Variants in ARID1B observed in about 807,000 individuals in gnomAD.
ARID1B encodes AT-rich interactive domain-containing protein 1B.
Under a neutral mutation model 212.3 loss-of-function variants are expected in ARID1B, and 30 were observed. That is an observed-to-expected ratio of 0.14 (90% CI 0.11 to 0.19). The LOEUF (loss-of-function observed/expected upper bound fraction) is 0.19, where lower values mean the gene tolerates loss of function less well. ARID1B is among the 10% of genes least tolerant of loss of function. ARID1B has a pLI of 1.00. For synonymous variants in ARID1B, 1,402 were observed against 1,301.7 expected, an observed-to-expected ratio of 1.08 and a Z score of -1.66; for missense variants, 2,891 against 3,204.0, an observed-to-expected ratio of 0.90 and a Z score of 2.36.
chr6:157,025,082 G>A (rs1315590492), intron 4 of ARID1B, among the ~76,000 whole-genome samples: 1 of 152,192 alleles, frequency 6.6e-6, no homozygotes, highest in African/African-American at 2.4e-5. Context: ...AAGAATTTTA[G>A]TAAATGATTC....
intron 13 of ARID1B, 98 bp downstream of exon 13, chr6:157,184,533 T>C: frequency 7.1e-7 from 1 of 1,407,640 alleles, no homozygotes; most frequent in Non-Finnish European, 9.8e-7. Context: ...AACAGGGAAC[T>C]TGGGACTTTT....
At chr6:156,779,689 G>C in intron 1 of ARID1B, 1 of 224,766 alleles carries the variant, frequency 4.4e-6, no homozygotes, top group Non-Finnish European at 7.7e-6. Flanking sequence ...CGCCGGGCCG[G>C]GCCGGGCCGG....
At chr6:156,998,771 G>GA (rs1221461394) in intron 4 of ARID1B, among the ~76,000 whole-genome samples, 2 of 152,204 alleles carry the variant, frequency 1.3e-5, no homozygotes, top group Non-Finnish European at 2.9e-5. Context: ...ATAGTAGGGA[G>GA]AAAATCAACA....
intron 1 of ARID1B, among the ~76,000 whole-genome samples, chr6:156,783,079 C>T (rs1168519278): frequency 6.6e-6 from 1 of 151,800 alleles, no homozygotes; most frequent in African/African-American, 2.4e-5. Flanking sequence ...ACTAGCACAT[C>T]CTTACCTTGA....
At position 157,148,457 on chromosome 6, in the gene ARID1B, AG is replaced by A. The variant is rs1789958407; in HGVS notation, c.2762-166del. On this transcript the variant is annotated intron_variant, in intron 7 of 19. Transcript: ENST00000636930. The surrounding 1 kb of genome is among the most constrained non-coding windows in gnomAD (Gnocchi z 5.6). ...TCTCTGAGGGCCTGGGAGTGTGCAG[AG>A]AGAGCATGTTTGAGACTGGCAGCTG... Among the ~76,000 whole-genome samples the A allele has an allele frequency of 6.6e-6, 1 of 152,162 alleles. No individual in the cohort carries two copies. Among genetic ancestry groups the A allele is most frequent in the Non-Finnish European group, 1.5e-5 (1 of 68,044 alleles).
chr6:156,778,379 C>T lies in ARID1B; in HGVS notation c.699C>T (p.Pro233=), dbSNP rs2114972557. The T allele has an allele frequency of 6.5e-6, 10 of 1,537,422 alleles. No individual in the cohort carries two copies. The highest frequency in any genetic ancestry group is 8.7e-6 in the Non-Finnish European group (10 of 1,145,862). The change falls in exon 1 of 20, where the codon CCC becomes CCT. Residue 233 remains proline, a synonymous_variant. Coordinates refer to ENST00000636930, the MANE Select transcript of ARID1B (RefSeq NM_001374828.1). The part of the protein sequence containing the change: ...LGGAGGGAPQ[P]GPDMEQPQHG... ...GCGCGGGCGGCGGCGCGCCTCAGCC[C>T]GGCCCCGACATGGAGCAGCCGCAAC...
At chr6:157,022,138 G>C (rs1780344385) in intron 4 of ARID1B, 1 of 152,158 alleles carries the variant, frequency 6.6e-6, no homozygotes, top group South Asian at 2.0e-4. Context: ...GAACAGGGCG[G>C]GGAGGCGGGG....
rs1778748856 is a variant in ARID1B at position 156,777,948 on chromosome 6, G to C, written c.268G>C (p.Ala90Pro). 1 of 1,528,198 alleles carries C rather than the reference G, an allele frequency of 6.5e-7. No individual in the cohort carries two copies. Among genetic ancestry groups the C allele is most frequent in the Non-Finnish European group, 8.7e-7 (1 of 1,144,186 alleles). 94.7% of individuals were successfully genotyped at this position (1,528,198 alleles called of 1,614,324 possible). Residue 90 changes from alanine (A) to proline (P), a missense_variant, in exon 1 of 20, where the codon GCC becomes CCC. Ala to Pro is a conservative substitution (Grantham distance 27). Around this residue, in one of 7 missense-constraint regions of ARID1B, gnomAD observed 1,643 missense variants for 1,544.0 expected, o/e 1.06. Coordinates refer to ENST00000636930, the MANE Select transcript of ARID1B (RefSeq NM_001374828.1). ...ACTCAACATGGCCCATAACGCGGGC[G>C]CCGCGGCCGCCGCCGGCACCCACAG... ...HELNMAHNAG[A>P]AAAAGTHSAK...
intron 4 of ARID1B, among the ~76,000 whole-genome samples, chr6:157,083,400 A>G (rs1784754091): frequency 6.6e-6 from 1 of 152,196 alleles, no homozygotes; most frequent in Non-Finnish European, 1.5e-5. Context: ...CAGTCATTGC[A>G]ACGGGGATGC....
chr6:157,196,388 C>T (rs2128358368), intron 16 of ARID1B, 73 bp downstream of exon 16: 1 of 1,521,638 alleles, frequency 6.6e-7, no homozygotes, highest in South Asian at 1.3e-5. Flanking sequence ...CATTTCTGAG[C>T]CCTGGCAGCT....
chr6:157,195,916 C>T, intron 15 of ARID1B: 2 of 397,616 alleles, frequency 5.0e-6, no homozygotes, highest in South Asian at 5.4e-5. Flanking sequence ...CAAAAATTAG[C>T]CAGGTGTGGT....
intron 4 of ARID1B, among the ~76,000 whole-genome samples, chr6:156,968,242 A>G (rs1042301906): frequency 6.6e-6 from 1 of 152,254 alleles, no homozygotes; most frequent in Non-Finnish European, 1.5e-5. Flanking sequence ...TTGTAAATTG[A>G]CACAAATATT....
chr6:156,916,062 G>A (rs962983204), intron 3 of ARID1B, among the ~76,000 whole-genome samples: 2 of 151,182 alleles, frequency 1.3e-5, no homozygotes, highest in Non-Finnish European at 2.9e-5. Flanking sequence ...ACTGTTTTCT[G>A]AGCACCGACA....
chr6:156,876,522 G>T (rs1786568321), intron 2 of ARID1B, among the ~76,000 whole-genome samples: 1 of 152,202 alleles, frequency 6.6e-6, no homozygotes, highest in Non-Finnish European at 1.5e-5. Context: ...TATACTCATG[G>T]TGTTTCTTTT....
At chr6:156,818,827 A>C (rs2128006916) in intron 1 of ARID1B, among the ~76,000 whole-genome samples, 1 of 152,278 alleles carries the variant, frequency 6.6e-6, no homozygotes, top group African/African-American at 2.4e-5. Context: ...GCTAGGATTG[A>C]TTAGCAATGT....
chr6:156,989,498 A>C (rs2128400832), intron 4 of ARID1B, among the ~76,000 whole-genome samples: 1 of 152,308 alleles, frequency 6.6e-6, no homozygotes, highest in African/African-American at 2.4e-5. Context: ...TGAAATTCTA[A>C]AGTTTTACTC....
chr6:157,144,001 G>A (rs1025338405), intron 7 of ARID1B, among the ~76,000 whole-genome samples: 2 of 152,190 alleles, frequency 1.3e-5, no homozygotes, highest in South Asian at 2.1e-4. Context: ...AGCTGTGCTC[G>A]AACGCATGCT....
rs555760258 is a variant in ARID1B at position 156,812,206 on chromosome 6, A to T, written c.1792-17021A>T. On this transcript the variant is annotated intron_variant, in intron 1 of 19. Transcript: ENST00000636930. Reference sequence around the variant, plus strand: ...GTGTGTGGTGGCATGATCACAGCTCATTGCAGCCTCAACCTCCCAGGCTCA... The same window carrying T: ...GTGTGTGGTGGCATGATCACAGCTCTTTGCAGCCTCAACCTCCCAGGCTCA... Among the ~76,000 whole-genome samples the T allele has an allele frequency of 3.9e-5, 6 of 152,212 alleles. No individual in the cohort carries two copies. In the South Asian group the frequency reaches 1.2e-3, roughly 32 times the overall value.
chr6:157,152,805 A>G (rs1348839128), intron 8 of ARID1B, among the ~76,000 whole-genome samples: 2 of 152,214 alleles, frequency 1.3e-5, no homozygotes, highest in African/African-American at 4.8e-5. Flanking sequence ...TAGGTTGGCG[A>G]TTAGAAAAGC....
Sources: allele counts gnomAD v4.1 joint callset (sites outside exome capture counted in the v4.1 genomes callset), GRCh38; gene constraint gnomAD v4.1.1; regional missense constraint gnomAD v4.1.1; non-coding constraint Gnocchi (gnomAD v3.1); transcripts MANE v1.5; gene names NCBI Gene and HGNC (gene_info 2026-07-23, HGNC 2026-07-21).